Variants in RGS7 observed in about 807,000 individuals in gnomAD.
RGS7 encodes the protein regulator of G protein signaling 7, also known as regulator of G-protein signaling 7.
A neutral mutation model predicts 81.1 loss-of-function variants in RGS7; 27 were observed. The observed-to-expected ratio is 0.33, with a 90% CI of 0.25 to 0.46. The LOEUF is 0.46. Among genes scored for constraint, RGS7 ranks in the 20% least tolerant of loss-of-function variants. RGS7 has a pLI of 1.00. For missense variants in RGS7, 396 were observed against 607.4 expected (o/e 0.65, Z 3.66); for synonymous variants, 208 against 207.7 (o/e 1.00, Z -0.01).
Position 241,041,204 on chromosome 1 carries a change from T to C in RGS7, c.175+57462A>G, listed in dbSNP as rs149068499. 3.3e-3 allele frequency among the ~76,000 whole-genome samples: 501 copies of C among 152,342 alleles called. 3 individuals carry two copies. Among genetic ancestry groups the C allele is most frequent in the Middle Eastern group, 0.01 (3 of 294 alleles). On this transcript the variant is annotated intron_variant, in intron 3 of 18. Coordinates refer to ENST00000440928, the MANE Select transcript of RGS7 (RefSeq NM_001364886.1). ...ATTGATAAGCGGCTTATTATTTTTA[T>C]TGCTTCAATTTTTAGTTTTATGAAT...
intron 10 of RGS7, among the ~76,000 whole-genome samples, chr1:240,817,097 C>G (rs1690933418): frequency 1.3e-5 from 2 of 152,074 alleles, no homozygotes; most frequent in African/African-American, 4.8e-5. Context: ...TAGGAAGACT[C>G]TTTTTTGAGA....
intron 6 of RGS7, among the ~76,000 whole-genome samples, chr1:240,892,967 A>C (rs1466428462): frequency 1.3e-5 from 2 of 152,164 alleles, no homozygotes; most frequent in Non-Finnish European, 2.9e-5. Context: ...ATCACATAAT[A>C]AATTTCAAGA....
chr1:241,277,777 G>A (rs1032385071), intron 2 of RGS7, among the ~76,000 whole-genome samples: 1 of 152,152 alleles, frequency 6.6e-6, no homozygotes, highest in African/African-American at 2.4e-5. Flanking sequence ...CAAACCAGTA[G>A]AAGAAAGATG....
chr1:240,800,943 G>A (rs1377573520), intron 17 of RGS7, among the ~76,000 whole-genome samples: 3 of 152,060 alleles, frequency 2.0e-5, no homozygotes, highest in African/African-American at 7.2e-5. Flanking sequence ...GAATAAGAAA[G>A]GCAGGCTAGT....
intron 3 of RGS7, among the ~76,000 whole-genome samples, chr1:241,057,346 A>G (rs750877352): frequency 6.6e-6 from 1 of 152,190 alleles, no homozygotes; most frequent in Non-Finnish European, 1.5e-5. Flanking sequence ...CATTTGTACA[A>G]TAAGAGGGCC....
intron 18 of RGS7, among the ~76,000 whole-genome samples, chr1:240,789,817 A>G (rs1685680785): frequency 6.6e-6 from 1 of 152,128 alleles, no homozygotes; most frequent in Non-Finnish European, 1.5e-5. Flanking sequence ...CCCTGCCTCC[A>G]TTTACCTTGT....
At chr1:241,017,224 T>C (rs2059297327) in intron 3 of RGS7, among the ~76,000 whole-genome samples, 1 of 151,940 alleles carries the variant, frequency 6.6e-6, no homozygotes, top group Admixed American at 6.6e-5. Context: ...AGTGGATTGC[T>C]TGAGGTTAGG....
At chr1:241,181,244 T>A (rs749045014) in intron 2 of RGS7, among the ~76,000 whole-genome samples, 1 of 152,106 alleles carries the variant, frequency 6.6e-6, no homozygotes, top group Non-Finnish European at 1.5e-5. Context: ...GTTCATTAAT[T>A]GAAAAAAGTG....
intron 6 of RGS7, among the ~76,000 whole-genome samples, chr1:240,887,763 T>C (rs1311301014): frequency 6.6e-6 from 1 of 152,234 alleles, no homozygotes; most frequent in Non-Finnish European, 1.5e-5. Context: ...TAACTAGTTT[T>C]ATTAAGTGTT....
chr1:241,316,796 C>T (rs957089601), intron 2 of RGS7, among the ~76,000 whole-genome samples: 1 of 152,086 alleles, frequency 6.6e-6, no homozygotes, highest in Non-Finnish European at 1.5e-5. Context: ...GAAGTGTCCC[C>T]TTTTCTTCAA....
intron 6 of RGS7, among the ~76,000 whole-genome samples, chr1:240,924,917 T>G (rs1674168402): frequency 6.6e-6 from 1 of 152,174 alleles, no homozygotes; most frequent in East Asian, 1.9e-4. Flanking sequence ...AAAATAAAAA[T>G]TAATGCAAAA....
At chr1:240,933,356 CA>C (rs1276842980) in intron 5 of RGS7, among the ~76,000 whole-genome samples, 1 of 151,922 alleles carries the variant, frequency 6.6e-6, no homozygotes, top group Non-Finnish European at 1.5e-5. Context: ...CACAAAAGCA[CA>C]AAAAATATTC....
At chr1:241,103,179 GTATA>G (rs1365727256) in intron 2 of RGS7, among the ~76,000 whole-genome samples, 1 of 151,816 alleles carries the variant, frequency 6.6e-6, no homozygotes, top group Non-Finnish European at 1.5e-5. Flanking sequence ...ATATATGTGT[GTATA>G]TATATATACT....
chr1:241,115,714 T>C lies in RGS7; in HGVS notation c.79-16952A>G, dbSNP rs187227128. 5.3e-5 allele frequency among the ~76,000 whole-genome samples: 8 copies of C among 152,304 alleles called. No homozygotes were observed. The East Asian group carries it at 1.5e-3, about 29-fold the overall frequency. On this transcript the variant is annotated intron_variant, in intron 2 of 18. Transcript: ENST00000440928. ...CTTCTTGAAAGGCCATCCTTGTCTTTCTAGTTGATGTTAGGAATGAACTGA... is the reference window on the plus strand; with the variant it reads ...CTTCTTGAAAGGCCATCCTTGTCTTCCTAGTTGATGTTAGGAATGAACTGA...
intron 3 of RGS7, among the ~76,000 whole-genome samples, chr1:241,029,802 A>G (rs1340205211): frequency 6.6e-6 from 1 of 152,238 alleles, no homozygotes; most frequent in African/African-American, 2.4e-5. Context: ...GCTTATGTGC[A>G]TTAGATCTGA....
At chr1:241,240,864 C>T (rs1359713011) in intron 2 of RGS7, among the ~76,000 whole-genome samples, 2 of 152,180 alleles carry the variant, frequency 1.3e-5, no homozygotes, top group African/African-American at 4.8e-5. Flanking sequence ...TGAGCCCTTT[C>T]TGCTCATATT....
intron 3 of RGS7, among the ~76,000 whole-genome samples, chr1:241,022,651 T>G (rs2148700227): frequency 6.6e-6 from 1 of 152,314 alleles, no homozygotes; most frequent in South Asian, 2.1e-4. Flanking sequence ...CCCGACTTTC[T>G]GACACCCTAC....
intron 3 of RGS7, among the ~76,000 whole-genome samples, chr1:241,085,600 AT>A (rs11287724): frequency 0.25 from 37,514 of 151,358 alleles, 6,385 homozygotes; most frequent in African/African-American, 0.48. Flanking sequence ...AATTTTTTAT[AT>A]TTTTTTTAGT....
chr1:240,775,255 A>G (rs1682782082), downstream of RGS7, among the ~76,000 whole-genome samples: 1 of 152,232 alleles, frequency 6.6e-6, no homozygotes, highest in South Asian at 2.1e-4. Flanking sequence ...TGAGGCAGAA[A>G]GGCCTTTTAA....
Sources: allele counts gnomAD v4.1 joint callset (sites outside exome capture counted in the v4.1 genomes callset), GRCh38; gene constraint gnomAD v4.1.1; transcripts MANE v1.5; gene names NCBI Gene and HGNC (gene_info 2026-07-23, HGNC 2026-07-21).